The following DERL2 variants were observed in gnomAD, a reference collection of about 807,000 sequenced individuals.
DERL2 encodes the protein derlin 2.
In DERL2, 13 loss-of-function variants were observed where a neutral mutation model predicts 32.0. The ratio of observed to expected loss-of-function variants is 0.41; its 90% CI spans 0.26 to 0.65. The LOEUF (loss-of-function observed/expected upper bound fraction) is 0.65, where lower values mean the gene tolerates loss of function less well. Ranked by LOEUF, DERL2 falls within the 30% of genes least tolerant of loss-of-function variation. DERL2 has a pLI of 0.35. For missense variants in DERL2, 208 were observed against 296.3 expected, an observed-to-expected ratio of 0.70 and a Z score of 2.19; for synonymous variants, 111 against 104.7, an observed-to-expected ratio of 1.06 and a Z score of -0.37.
chr17:5,481,950 CA>C lies in DERL2; in HGVS notation c.234-562del, dbSNP rs754943258. 1.7e-4 allele frequency among the ~76,000 whole-genome samples: 26 copies of C among 152,230 alleles called. No homozygotes were observed. The highest frequency in any genetic ancestry group is 1.5e-4 in the Non-Finnish European group (10 of 67,990). The stretch of plus-strand genomic sequence containing the variant: ...GTGTGAGCCACCACACCCGGCCCTC[CA>C]GTCCCCTATTAAACCTTTAAAAATT... On this transcript the variant is annotated intron_variant, in intron 3 of 6. Coordinates refer to ENST00000158771, the MANE Select transcript of DERL2 (RefSeq NM_016041.5). This position sits in a 1 kb window ranked among gnomAD's most constrained non-coding sequence, Gnocchi z 4.4.
rs751297764 is a variant in DERL2, at chr17:5,486,080, T to C, written c.82A>G (p.Thr28Ala). Residue 28 changes from threonine to alanine, a missense_variant, in exon 1 of 7, where the codon ACC (threonine) becomes GCC (alanine). Physicochemically the swap from Thr to Ala is moderately conservative, Grantham distance 58. Around this residue, in one of 3 missense-constraint regions of DERL2, gnomAD observed 44 missense variants for 42.3 expected, o/e 1.04. Transcript: ENST00000158771. ...RAYTTACVLT[T>A]AAVQLELITP... ...CTGCAGCTGCTCACCACGGCGGCGGTGGTGAGGACGCAGGCAGTGGTGTAG... is the reference window on the plus strand; with the variant it reads ...CTGCAGCTGCTCACCACGGCGGCGGCGGTGAGGACGCAGGCAGTGGTGTAG... 1 of 1,610,206 alleles carries C rather than the reference T, an allele frequency of 6.2e-7. No individual in the cohort carries two copies. The highest frequency in any genetic ancestry group is 1.7e-5 in the Admixed American group (1 of 59,854).
Position 5,484,126 on chromosome 17 carries a change from T to C in DERL2, c.159+1025A>G, listed in dbSNP as rs1905983613. Among the ~76,000 whole-genome samples the C allele has an allele frequency of 2.0e-5, 3 of 152,330 alleles. No individual in the cohort carries two copies. The South Asian group carries it at 6.2e-4, about 32-fold the overall frequency. The stretch of plus-strand genomic sequence containing the variant: ...AAGCTAGAGTTCAATGGATATAAAG[T>C]GAATGAAACACATTTGAGACAGACA... On this transcript the variant is annotated intron_variant, in intron 2 of 6. Coordinates refer to ENST00000158771, the MANE Select transcript of DERL2 (RefSeq NM_016041.5).
chr17:5,476,943 GGA>G (rs1393033085), intron 6 of DERL2, among the ~76,000 whole-genome samples: 2 of 152,158 alleles, frequency 1.3e-5, no homozygotes, highest in Non-Finnish European at 2.9e-5. Context: ...AGTAGGATGG[GGA>G]GGCATCCCTG....
chr17:5,486,481 C>T, upstream of DERL2: 1 of 267,738 alleles, frequency 3.7e-6, no homozygotes, highest in Non-Finnish European at 7.1e-6. Flanking sequence ...CGCCCGGCCC[C>T]TTTCTGTCAT....
Position 5,474,925 on chromosome 17 carries a change from T to A in DERL2, c.615-136A>T, listed in dbSNP as rs1385244946. On this transcript the variant is annotated intron_variant, in intron 6 of 6. Transcript: ENST00000158771. The surrounding 1 kb of genome is among the most constrained non-coding windows in gnomAD (Gnocchi z 4.3). ...CTGCCTGCCAATTAAACAGTTAACA[T>A]ATTGTAAGAGCATCTATAATTATTA... 1 of 500,560 alleles carries A rather than the reference T, an allele frequency of 2.0e-6. No homozygotes were observed. The highest frequency in any genetic ancestry group is 3.5e-6 in the Non-Finnish European group (1 of 283,378). 31.0% of individuals were successfully genotyped at this position (500,560 alleles called of 1,614,324 possible).
upstream of DERL2, chr17:5,486,362 C>A (rs551748180): frequency 1.2e-5 from 6 of 507,036 alleles, no homozygotes; most frequent in South Asian, 4.9e-5. Context: ...CACCGCCCCC[C>A]CCCAGCGCCC....
chr17:5,476,756 G>C (rs969805688), intron 6 of DERL2, among the ~76,000 whole-genome samples: 3 of 152,186 alleles, frequency 2.0e-5, no homozygotes, highest in African/African-American at 7.2e-5. Context: ...ACTCAAGCCT[G>C]GGTGACAGAG....
At chr17:5,483,349 T>TAAA (rs35004532) in intron 2 of DERL2, among the ~76,000 whole-genome samples, 11 of 136,018 alleles carry the variant, frequency 8.1e-5, no homozygotes, top group Non-Finnish European at 8.0e-5. Context: ...AACTAAAACT[T>TAAA]AAAAAAAAAA....
chr17:5,472,600 G>T lies in DERL2; in HGVS notation c.*2084C>A, dbSNP rs1905171146. On this transcript the variant is annotated 3_prime_UTR_variant, in exon 7 of 7. Coordinates refer to ENST00000158771, the MANE Select transcript of DERL2 (RefSeq NM_016041.5). Reference sequence around the variant, plus strand: ...TGCCTTTAGGCTGTATATTCAAAATGTATTTCCTGTTTTACCTAGTCATTA... The same window carrying T: ...TGCCTTTAGGCTGTATATTCAAAATTTATTTCCTGTTTTACCTAGTCATTA... The T allele has an allele frequency of 1.3e-5, 2 of 152,282 alleles. No individual in the cohort carries two copies. The highest frequency in any genetic ancestry group is 4.1e-4 in the South Asian group (2 of 4,826). 9.4% of individuals were successfully genotyped at this position (152,282 alleles called of 1,614,324 possible).
Position 5,480,100 on chromosome 17 carries a change from G to C in DERL2, c.568C>G (p.Pro190Ala). 6.2e-7 allele frequency: 1 copy of C among 1,610,682 alleles called. No individual in the cohort carries two copies. The highest frequency in any genetic ancestry group is 8.5e-7 in the Non-Finnish European group (1 of 1,177,412). The change falls in exon 6 of 7, where the codon CCC becomes GCC. Residue 190 changes from proline to alanine, a missense_variant. Around this residue, in one of 3 missense-constraint regions of DERL2, gnomAD observed 124 missense variants for 215.3 expected, o/e 0.58. Coordinates refer to ENST00000158771, the MANE Select transcript of DERL2 (RefSeq NM_016041.5). ...HIYFFLEDVF[P>A]NQPGGIRILK... ...ATTCTTATTCCACCAGGTTGATTGG[G>C]AAATACATCTTCCAAGAAAAAATAT...
At chr17:5,476,087 T>A (rs924249204) in intron 6 of DERL2, among the ~76,000 whole-genome samples, 6 of 152,152 alleles carry the variant, frequency 3.9e-5, no homozygotes, top group African/African-American at 7.2e-5. Context: ...ACAAAATTTT[T>A]AAAAAATTAA....
chr17:5,482,081 C>T (rs1905826838), intron 3 of DERL2, among the ~76,000 whole-genome samples: 1 of 152,196 alleles, frequency 6.6e-6, no homozygotes, highest in Admixed American at 6.5e-5. Context: ...GTGTGCTCAA[C>T]TACTTTTCCA....
At chr17:5,475,928 G>C (rs913667125) in intron 6 of DERL2, among the ~76,000 whole-genome samples, 29 of 152,168 alleles carry the variant, frequency 1.9e-4, no homozygotes, top group African/African-American at 6.8e-4. Context: ...GTGGGGAGTT[G>C]TTTAATGAGT....
intron 4 of DERL2, chr17:5,480,942 C>T (rs753440948): frequency 2.3e-5 from 12 of 511,248 alleles, no homozygotes; most frequent in Middle Eastern, 4.8e-4. Context: ...CTTGTCAGAC[C>T]GTACCATATC....
In DERL2 at chr17:5,486,172, G is replaced by A; in HGVS notation, c.-11C>T. Reference sequence around the variant, plus strand: ...GCTCTGGTACGCCATCTTCCCCACCGTCGCCTGCCCCACCCCCCACCCACC... The same window carrying A: ...GCTCTGGTACGCCATCTTCCCCACCATCGCCTGCCCCACCCCCCACCCACC... On this transcript the variant is annotated 5_prime_UTR_variant, in exon 1 of 7. The change creates a new upstream start codon in the 5' untranslated region. Coordinates refer to ENST00000158771, the MANE Select transcript of DERL2 (RefSeq NM_016041.5). The A allele has an allele frequency of 6.3e-7, 1 of 1,577,924 alleles. No individual in the cohort carries two copies. The highest frequency in any genetic ancestry group is 1.1e-5 in the South Asian group (1 of 87,148).
upstream of DERL2, chr17:5,486,374 A>G: frequency 2.6e-6 from 1 of 379,250 alleles, no homozygotes; most frequent in Middle Eastern, 6.6e-4. Flanking sequence ...CCAGCGCCCC[A>G]TCTCCCCACC....
rs1175864125 is a variant in DERL2, at chr17:5,474,733, T to C, written c.671A>G (p.Glu224Gly). ...ACCCCAGGCGAAGCCTCCTGGCCGT[T>C]CCTCAGGTAGTGGATTGTAATTTGG... is the stretch of plus-strand genomic sequence containing the variant. ...EDPNYNPLPEERPGGFAWGEG... is the reference protein window; with the variant it reads ...EDPNYNPLPEGRPGGFAWGEG... The change falls in exon 7 of 7, where the codon GAA becomes GGA. Residue 224 changes from glutamate to glycine, a missense_variant. Coordinates refer to ENST00000158771, the MANE Select transcript of DERL2 (RefSeq NM_016041.5). This position sits in a 1 kb window ranked among gnomAD's most constrained non-coding sequence, Gnocchi z 4.3. 5 of 1,613,926 alleles carry C rather than the reference T, an allele frequency of 3.1e-6. No individual in the cohort carries two copies. The highest frequency in any genetic ancestry group is 4.2e-6 in the Non-Finnish European group (5 of 1,179,932).
rs1442386830 is a variant in DERL2 at position 5,474,752 on chromosome 17, A to G, written c.652T>C (p.Tyr218His). The G allele has an allele frequency of 1.9e-6, 3 of 1,613,954 alleles. No homozygotes were observed. The highest frequency in any genetic ancestry group is 2.5e-6 in the Non-Finnish European group (3 of 1,179,944). Reference protein sequence around the residue: ...IFDTPDEDPNYNPLPEERPGG... With the variant: ...IFDTPDEDPNHNPLPEERPGG... The stretch of plus-strand genomic sequence containing the variant: ...GGCCGTTCCTCAGGTAGTGGATTGT[A>G]ATTTGGATCCTCATCTGGTGTATCA... Residue 218 changes from tyrosine (Y) to histidine (H), a missense_variant, in exon 7 of 7, where the codon TAC becomes CAC. Physicochemically the swap from Tyr to His is moderately conservative, Grantham distance 83. Coordinates refer to ENST00000158771, the MANE Select transcript of DERL2 (RefSeq NM_016041.5). This position sits in a 1 kb window ranked among gnomAD's most constrained non-coding sequence, Gnocchi z 4.3.
intron 2 of DERL2, among the ~76,000 whole-genome samples, chr17:5,484,462 G>A (rs112503920): frequency 0.13 from 19,162 of 152,250 alleles, 1,338 homozygotes; most frequent in African/African-American, 0.2. Context: ...TGGCCAGGCT[G>A]GTCTTGAACT....
Sources: allele counts gnomAD v4.1 joint callset (sites outside exome capture counted in the v4.1 genomes callset), GRCh38; gene constraint gnomAD v4.1.1; regional missense constraint gnomAD v4.1.1; non-coding constraint Gnocchi (gnomAD v3.1); transcripts MANE v1.5; gene names NCBI Gene and HGNC (gene_info 2026-07-23, HGNC 2026-07-21).